Variants in PROS1 observed in about 807,000 individuals in gnomAD.
The protein encoded by PROS1 is protein S.
A neutral mutation model predicts 75.9 loss-of-function variants in PROS1; 29 were observed. That is an observed-to-expected ratio of 0.38 (90% CI 0.28 to 0.52). The LOEUF is 0.52. Ranked by LOEUF, PROS1 falls within the 20% of genes least tolerant of loss-of-function variation. The pLI, the probability that PROS1 is intolerant of heterozygous loss-of-function variation, is 0.83. For synonymous variants in PROS1, 245 were observed against 280.6 expected, an observed-to-expected ratio of 0.87 and a Z score of 1.27; for missense variants, 680 against 810.3, an observed-to-expected ratio of 0.84 and a Z score of 1.95.
intron 1 of PROS1, among the ~76,000 whole-genome samples, chr3:93,945,836 G>T (rs1394455271): frequency 2.0e-5 from 3 of 152,164 alleles, no homozygotes; most frequent in Non-Finnish European, 4.4e-5. Flanking sequence ...AGGAAATAAA[G>T]GGCATTCAAG....
chr3:93,896,304 A>G (rs1280026754), intron 9 of PROS1, among the ~76,000 whole-genome samples: 1 of 152,160 alleles, frequency 6.6e-6, no homozygotes, highest in Non-Finnish European at 1.5e-5. Context: ...TTCTTAGTAA[A>G]TATGCATTTT....
At chr3:93,952,021 A>G (rs1046708529) in intron 1 of PROS1, among the ~76,000 whole-genome samples, 2 of 152,380 alleles carry the variant, frequency 1.3e-5, no homozygotes, top group Non-Finnish European at 2.9e-5. Flanking sequence ...CAATTCAACA[A>G]GAAGAGCTAA....
chr3:93,948,322 T>A (rs545410404), intron 1 of PROS1, among the ~76,000 whole-genome samples: 1 of 151,996 alleles, frequency 6.6e-6, no homozygotes, highest in African/African-American at 2.4e-5. Flanking sequence ...AATTGAGAAC[T>A]AAAGTATGAT....
chr3:93,907,648 C>G (rs1708697434), intron 4 of PROS1, among the ~76,000 whole-genome samples: 1 of 152,160 alleles, frequency 6.6e-6, no homozygotes, highest in Admixed American at 6.5e-5. Context: ...ATACCTCATT[C>G]TTCATGGATG....
At chr3:93,957,931 T>A (rs1709633778) in intron 1 of PROS1, among the ~76,000 whole-genome samples, 1 of 151,710 alleles carries the variant, frequency 6.6e-6, no homozygotes, top group African/African-American at 2.4e-5. Flanking sequence ...TCTAAAAAAA[T>A]ACAGAACTTA....
intron 1 of PROS1, among the ~76,000 whole-genome samples, chr3:93,952,227 C>T (rs1351245319): frequency 1.3e-5 from 2 of 152,152 alleles, no homozygotes; most frequent in African/African-American, 2.4e-5. Context: ...ACCAAGAGGA[C>T]CTAATAGACA....
In PROS1 at chr3:93,903,016, G is replaced by A. The variant is rs542391268; in HGVS notation, c.602-2087C>T. Among the ~76,000 whole-genome samples, 117 of 151,878 alleles carry A rather than the reference G, an allele frequency of 7.7e-4. No homozygotes were observed. The East Asian group carries it at 8.6e-3, about 11-fold the overall frequency. ...GGAGTAGCTGGGACTACAGGCACCCGCCACCACCCTGGTTAATTTTCTGTA... is the reference window on the plus strand; with the variant it reads ...GGAGTAGCTGGGACTACAGGCACCCACCACCACCCTGGTTAATTTTCTGTA... On this transcript the variant is annotated intron_variant, in intron 6 of 14. Coordinates refer to ENST00000394236, the MANE Select transcript of PROS1 (RefSeq NM_000313.4).
chr3:93,925,963 C>T (rs1303370117), intron 2 of PROS1, among the ~76,000 whole-genome samples: 4 of 151,896 alleles, frequency 2.6e-5, no homozygotes, highest in East Asian at 1.9e-4. Context: ...AGTTTTCCTT[C>T]CTCACTATCT....
intron 11 of PROS1, among the ~76,000 whole-genome samples, chr3:93,885,242 CTTTG>C (rs1380700421): frequency 1.3e-5 from 2 of 152,060 alleles, no homozygotes; most frequent in Non-Finnish European, 2.9e-5. Context: ...TGTTTATCTT[CTTTG>C]TTTGTTTGAT....
At chr3:93,969,348 C>T (rs1399712945) in intron 1 of PROS1, among the ~76,000 whole-genome samples, 4 of 152,060 alleles carry the variant, frequency 2.6e-5, no homozygotes, top group Non-Finnish European at 5.9e-5. Context: ...TAAATATTTT[C>T]AAATGGTGTG....
At chr3:93,878,183 A>G (rs1708219134) in intron 13 of PROS1, among the ~76,000 whole-genome samples, 1 of 152,338 alleles carries the variant, frequency 6.6e-6, no homozygotes, top group Non-Finnish European at 1.5e-5. Context: ...TGTAGTGTTT[A>G]AGATAAGAAT....
In PROS1 at chr3:93,910,627, C is replaced by A. The variant is rs757418321; in HGVS notation, c.338G>T (p.Cys113Phe). ...ATGGTAGAAGTGCTTACCATTGACA[C>A]AGCTTCTTAGGTCAGGATAAGCATT... The part of the protein sequence containing the change: ...STNAYPDLRS[C>F]VNAIPDQCSP... Residue 113 changes from cysteine to phenylalanine, a missense_variant, in exon 4 of 15, where the codon TGT becomes TTT. By Grantham distance (205) the Cys-to-Phe change is radical. Transcript: ENST00000394236. 4 of 1,612,208 alleles carry A rather than the reference C, an allele frequency of 2.5e-6. No homozygotes were observed. Among genetic ancestry groups the A allele is most frequent in the Non-Finnish European group, 3.4e-6 (4 of 1,178,468 alleles).
chr3:93,968,767 A>C (rs1340220234), intron 1 of PROS1, among the ~76,000 whole-genome samples: 1 of 152,122 alleles, frequency 6.6e-6, no homozygotes, highest in Admixed American at 6.5e-5. Context: ...TTATGTTAGA[A>C]GGAAGACAAT....
chr3:93,898,184 A>G (rs1361559273), intron 8 of PROS1, among the ~76,000 whole-genome samples: 1 of 152,066 alleles, frequency 6.6e-6, no homozygotes, highest in Non-Finnish European at 1.5e-5. Context: ...TACAAGTTGT[A>G]TTTTATAAAT....
intron 1 of PROS1, among the ~76,000 whole-genome samples, chr3:93,942,729 A>G (rs1248296063): frequency 6.6e-6 from 1 of 152,202 alleles, no homozygotes; most frequent in Non-Finnish European, 1.5e-5. Context: ...TTAGGTTACA[A>G]GCCACTAGCC....
At chr3:93,902,895 T>G (rs1487975451) in intron 6 of PROS1, among the ~76,000 whole-genome samples, 2 of 152,066 alleles carry the variant, frequency 1.3e-5, no homozygotes, top group South Asian at 2.1e-4. Context: ...TTTGGTTTGT[T>G]TGTTTGTTTG....
chr3:93,958,023 G>C (rs1360663465), intron 1 of PROS1, among the ~76,000 whole-genome samples: 1 of 151,990 alleles, frequency 6.6e-6, no homozygotes, highest in Non-Finnish European at 1.5e-5. Context: ...AGGAAGCGGA[G>C]GTTGCAGTGA....
chr3:93,973,509 C>T (rs1407174519), intron 1 of PROS1, 165 bp downstream of exon 1: 3 of 706,928 alleles, frequency 4.2e-6, no homozygotes, highest in Non-Finnish European at 7.6e-6. Context: ...CACCATTGCA[C>T]TGCCTGCTCT....
intron 7 of PROS1, among the ~76,000 whole-genome samples, chr3:93,899,934 TA>T (rs1241169850): frequency 3.9e-5 from 6 of 152,136 alleles, no homozygotes; most frequent in African/African-American, 1.4e-4. Flanking sequence ...AAGAGTACAT[TA>T]AAACTGTACT....
Sources: gnomAD v4.1 joint callset for allele counts (sites outside exome capture counted in the v4.1 genomes callset) on GRCh38, gnomAD v4.1.1 for gene constraint, MANE v1.5 for transcripts, NCBI Gene and HGNC (gene_info 2026-07-23, HGNC 2026-07-21) for gene names.